MID2: variants seen among roughly 807,000 people sequenced by gnomAD.
The protein encoded by MID2 is midline 2, also known as probable E3 ubiquitin-protein ligase MID2.
Under a neutral mutation model 46.1 loss-of-function variants are expected in MID2, and 13 were observed. The ratio of observed to expected loss-of-function variants is 0.28; its 90% confidence interval spans 0.18 to 0.45. The LOEUF (loss-of-function observed/expected upper bound fraction) is 0.45, where lower values mean the gene tolerates loss of function less well. Ranked by LOEUF, MID2 falls within the 20% of genes least tolerant of loss-of-function variation. The probability of loss-of-function intolerance (pLI) is 1.00; values close to 1 mark genes in which losing one functional copy is unlikely to be tolerated. For missense variants in MID2, 431 were observed against 575.4 expected (o/e 0.75, Z 2.57); for synonymous variants, 199 against 212.3 (o/e 0.94, Z 0.55).
chrX:107,855,423 C>T (rs927265814), intron 3 of MID2, among the ~76,000 whole-genome samples: 1 of 111,613 alleles, frequency 9.0e-6, no homozygotes, highest in African/African-American at 3.3e-5. Context: ...GAAACTTATA[C>T]CATTTGGTTT....
intron 1 of MID2, among the ~76,000 whole-genome samples, chrX:107,829,160 C>T (rs937042865): frequency 1.8e-5 from 2 of 112,208 alleles, no homozygotes; most frequent in Admixed American, 9.4e-5. Context: ...AGGTGTGAGC[C>T]ACCACACCCA....
At chrX:107,925,094 T>C (rs1933148512) in intron 8 of MID2, among the ~76,000 whole-genome samples, 2 of 112,202 alleles carry the variant, frequency 1.8e-5, no homozygotes, top group Non-Finnish European at 3.8e-5. Context: ...GATGTCATAT[T>C]ACCTCTCAAG....
chrX:107,836,748 T>C lies in MID2; in HGVS notation c.5-3922T>C, dbSNP rs1224481922. 2.7e-5 allele frequency among the ~76,000 whole-genome samples: 3 copies of C among 111,135 alleles called. No homozygotes were observed. The East Asian group carries it at 8.4e-4, about 31-fold the overall frequency. ...AGAAAGCCTCATAAATTAGAGATGATTGAACACGTCTGAAGAAGTTGATAA... is the reference window on the plus strand; with the variant it reads ...AGAAAGCCTCATAAATTAGAGATGACTGAACACGTCTGAAGAAGTTGATAA... On this transcript the variant is annotated intron_variant, in intron 1 of 9. Transcript: ENST00000262843.
intron 3 of MID2, among the ~76,000 whole-genome samples, chrX:107,898,531 G>A (rs1932764405): frequency 1.8e-5 from 2 of 110,210 alleles, no homozygotes; most frequent in African/African-American, 6.6e-5. Context: ...ACCTTTAATT[G>A]TATTCTATTA....
At chrX:107,885,093 G>GGAGA (rs35206465) in intron 3 of MID2, among the ~76,000 whole-genome samples, 18,923 of 107,595 alleles carry the variant, frequency 0.18, 1,623 homozygotes, top group African/African-American at 0.33. Context: ...TTTTTTTCCA[G>GGAGA]GAGAATCTCT....
chrX:107,888,268 A>G (rs1208814350), intron 3 of MID2, among the ~76,000 whole-genome samples: 1 of 112,178 alleles, frequency 8.9e-6, no homozygotes, highest in African/African-American at 3.2e-5. Flanking sequence ...ATTTAGTGCT[A>G]TAAATTTCCC....
chrX:107,849,936 T>G (rs916812878), intron 2 of MID2, among the ~76,000 whole-genome samples: 2 of 111,612 alleles, frequency 1.8e-5, no homozygotes, highest in African/African-American at 6.5e-5. Context: ...GCTGCCAACC[T>G]CCTGTCCTGT....
chrX:107,880,723 T>C (rs1181426460), intron 3 of MID2, among the ~76,000 whole-genome samples: 1 of 112,409 alleles, frequency 8.9e-6, no homozygotes, highest in African/African-American at 3.2e-5. Context: ...GAATTCAGGC[T>C]TTTCTATGCT....
At chrX:107,865,829 C>T (rs1056711806) in intron 3 of MID2, among the ~76,000 whole-genome samples, 2 of 112,690 alleles carry the variant, frequency 1.8e-5, no homozygotes, top group Admixed American at 9.4e-5. Context: ...CAGTGCTAGT[C>T]GCATAGAACA....
rs1387373051 is a variant in MID2, at chrX:107,930,882, T to C, written c.*3809T>C. ...CTGCAATTTATGCTTGTTTCCACTTTTTATATTGTCTTATTGAAGAAAGCA... is the reference window on the plus strand; with the variant it reads ...CTGCAATTTATGCTTGTTTCCACTTCTTATATTGTCTTATTGAAGAAAGCA... On this transcript the variant is annotated 3_prime_UTR_variant, in exon 10 of 10. Transcript: ENST00000262843. Among the ~76,000 whole-genome samples the C allele has an allele frequency of 8.9e-6, 1 of 112,686 alleles. No homozygotes were observed. Among genetic ancestry groups the C allele is most frequent in the African/African-American group, 3.2e-5 (1 of 31,085 alleles).
intron 3 of MID2, among the ~76,000 whole-genome samples, chrX:107,891,526 G>A (rs1228215195): frequency 5.4e-5 from 6 of 111,288 alleles, no homozygotes; most frequent in Admixed American, 9.5e-5. Context: ...TGATCTGCCC[G>A]CCTTAGCCTC....
intron 3 of MID2, among the ~76,000 whole-genome samples, chrX:107,863,815 T>G (rs1037588500): frequency 1.8e-5 from 2 of 112,649 alleles, no homozygotes; most frequent in Non-Finnish European, 3.7e-5. Context: ...ATGTCCTTAC[T>G]GTCTCTGCCT....
chrX:107,925,333 G>A (rs1474559598), intron 8 of MID2, among the ~76,000 whole-genome samples: 2 of 111,733 alleles, frequency 1.8e-5, no homozygotes, highest in East Asian at 5.6e-4. Flanking sequence ...TAATGTGTTA[G>A]CCAACAGTGT....
chrX:107,904,752 CTGAAGAATCA>C (rs1317257033), intron 4 of MID2, among the ~76,000 whole-genome samples: 1 of 111,868 alleles, frequency 8.9e-6, no homozygotes, highest in Non-Finnish European at 1.9e-5. Flanking sequence ...AGCCTGGGAA[CTGAAGAATCA>C]TGATCATAAG....
intron 2 of MID2, among the ~76,000 whole-genome samples, chrX:107,845,525 A>ACACACTCTCTCTCTCTCTCTCTCTCTCT (rs1276957001): frequency 4.1e-5 from 3 of 72,942 alleles, no homozygotes; most frequent in African/African-American, 2.3e-4. Context: ...ACACACACAC[A>ACACACTCTCTCTCTCTCTCTCTCTCTCT]CTCTCTCTCT....
At chrX:107,854,808 G>A (rs1931706254) in intron 3 of MID2, 104 bp downstream of exon 3, 4 of 535,804 alleles carry the variant, frequency 7.5e-6, no homozygotes, top group Non-Finnish European at 1.3e-5. Context: ...TTGGAATGAA[G>A]GATTGAATGG....
chrX:107,875,258 C>G (rs12011005), intron 3 of MID2, among the ~76,000 whole-genome samples: 2,462 of 111,600 alleles, frequency 0.022, 60 homozygotes, highest in African/African-American at 0.077. Flanking sequence ...CTTGAGATAG[C>G]AGGGTATACA....
chrX:107,890,810 G>A (rs79836794), intron 3 of MID2, among the ~76,000 whole-genome samples: 1 of 111,505 alleles, frequency 9.0e-6, no homozygotes, highest in African/African-American at 3.2e-5. Flanking sequence ...CTCAAGCCTC[G>A]GCAATGGTGG....
At position 107,911,283 on chromosome X, in the gene MID2, T is replaced by A. The variant is rs753226443; in HGVS notation, c.1074-4719T>A. 2.7e-5 allele frequency among the ~76,000 whole-genome samples: 3 copies of A among 111,861 alleles called. No individual in the cohort carries two copies. In the East Asian group the frequency reaches 8.4e-4, roughly 32 times the overall value. ...TAATAATTTCCTCCCCTTTATTCTT[T>A]CTCTTCTTTGTTTATGGGACTTTGA... On this transcript the variant is annotated intron_variant, in intron 5 of 9. Transcript: ENST00000262843.
Sources: gnomAD v4.1 joint callset for allele counts (sites outside exome capture counted in the v4.1 genomes callset) on GRCh38, gnomAD v4.1.1 for gene constraint, MANE v1.5 for transcripts, NCBI Gene and HGNC (gene_info 2026-07-23, HGNC 2026-07-21) for gene names.